Variants in CSMD2 observed in about 807,000 individuals in gnomAD.
CSMD2 encodes the protein CUB and sushi domain-containing protein 2.
Under a neutral mutation model 398.5 loss-of-function variants are expected in CSMD2, and 130 were observed. The ratio of observed to expected loss-of-function variants is 0.33; its 90% CI spans 0.28 to 0.38. The LOEUF (loss-of-function observed/expected upper bound fraction) is 0.38, where lower values mean the gene tolerates loss of function less well. Ranked by LOEUF, CSMD2 falls within the 10% of genes least tolerant of loss-of-function variation. The probability of loss-of-function intolerance (pLI) is 1.00; values close to 1 mark genes in which losing one functional copy is unlikely to be tolerated. For synonymous variants in CSMD2, 1,828 were observed against 1,908.5 expected (o/e 0.96, Z 1.10); for missense variants, 3,829 against 4,764.9 (o/e 0.80, Z 5.78).
At chr1:33,874,963 G>T (rs1166760755) in intron 5 of CSMD2, among the ~76,000 whole-genome samples, 2 of 152,208 alleles carry the variant, frequency 1.3e-5, no homozygotes, top group Non-Finnish European at 2.9e-5. Flanking sequence ...AGGCTCCTCT[G>T]GCCCGCACAG....
chr1:34,114,307 T>C (rs1021306076), intron 1 of CSMD2, among the ~76,000 whole-genome samples: 1 of 151,882 alleles, frequency 6.6e-6, no homozygotes, highest in African/African-American at 2.4e-5. Flanking sequence ...GTTGTTGTTG[T>C]TGTTGTTGTT....
chr1:33,681,840 C>T (rs1199507681), intron 25 of CSMD2, among the ~76,000 whole-genome samples: 13 of 152,084 alleles, frequency 8.5e-5, no homozygotes, highest in Non-Finnish European at 1.8e-4. Context: ...GTGGCAGGTG[C>T]CTTTAACCCC....
Position 33,785,481 on chromosome 1 carries a change from G to GATT in CSMD2, c.1663+3116_1663+3118dup, listed in dbSNP as rs1653414164. On this transcript the variant is annotated intron_variant, in intron 12 of 70. Coordinates refer to ENST00000373381, the MANE Select transcript of CSMD2 (RefSeq NM_001281956.2). ...CCACACTTGTGTGTGACCTCAGGCA[G>GATT]ATTACTTCACCCCTCTGAGTCTCAG... Among the ~76,000 whole-genome samples, 3 of 152,242 alleles carry GATT rather than the reference G, an allele frequency of 2.0e-5. No individual in the cohort carries two copies. In the South Asian group the frequency reaches 6.2e-4, roughly 31 times the overall value.
At chr1:33,606,626 G>A (rs1267917159) in intron 41 of CSMD2, among the ~76,000 whole-genome samples, 3 of 152,258 alleles carry the variant, frequency 2.0e-5, no homozygotes, top group Non-Finnish European at 2.9e-5. Context: ...GAAGCAGGGG[G>A]CCTTTTGCCC....
intron 5 of CSMD2, among the ~76,000 whole-genome samples, chr1:33,865,045 G>C (rs1447362314): frequency 6.6e-6 from 1 of 150,716 alleles, no homozygotes; most frequent in African/African-American, 2.4e-5. Flanking sequence ...TAAACAAAAG[G>C]TGTGACTTGG....
At chr1:33,752,936 G>A (rs1198029704) in intron 13 of CSMD2, among the ~76,000 whole-genome samples, 1 of 152,140 alleles carries the variant, frequency 6.6e-6, no homozygotes, top group African/African-American at 2.4e-5. Flanking sequence ...GACGACCTAG[G>A]GTATCTGATG....
At chr1:34,165,307 G>C, upstream of CSMD2, 1 of 1,201,264 alleles carries the variant, frequency 8.3e-7, no homozygotes, top group African/African-American at 1.6e-5. Context: ...GCTTCGCGGG[G>C]TTCGCGCCGG....
chr1:33,889,024 C>T (rs2125198299), intron 5 of CSMD2, among the ~76,000 whole-genome samples: 1 of 152,274 alleles, frequency 6.6e-6, no homozygotes, highest in African/African-American at 2.4e-5. Flanking sequence ...CCCACCTTAG[C>T]CTCCCAAAGT....
intron 3 of CSMD2, among the ~76,000 whole-genome samples, chr1:33,963,918 A>G (rs1645461278): frequency 6.6e-6 from 1 of 152,256 alleles, no homozygotes. Context: ...TCCTTGCAGT[A>G]AAGCCTGGAA....
chr1:33,757,749 C>A (rs1265794436), intron 13 of CSMD2, among the ~76,000 whole-genome samples: 1 of 152,168 alleles, frequency 6.6e-6, no homozygotes, highest in Non-Finnish European at 1.5e-5. Flanking sequence ...ATGACAACAC[C>A]CAGTTGCCTA....
intron 6 of CSMD2, among the ~76,000 whole-genome samples, chr1:33,843,668 C>A (rs1490235493): frequency 2.0e-5 from 3 of 152,184 alleles, no homozygotes; most frequent in African/African-American, 7.2e-5. Context: ...AGCCAGAGAT[C>A]CCAGGGCAGG....
chr1:33,912,279 G>A (rs1465096144), intron 5 of CSMD2, among the ~76,000 whole-genome samples: 1 of 152,144 alleles, frequency 6.6e-6, no homozygotes. Context: ...AAGGAAGAGA[G>A]ACTGGGAACC....
chr1:33,646,867 A>G, intron 28 of CSMD2, 32 bp from the exon 29 acceptor site: 1 of 1,531,336 alleles, frequency 6.5e-7, no homozygotes, highest in Non-Finnish European at 8.8e-7. Context: ...CCCCCACCCC[A>G]CTAAGGTCAA....
chr1:34,061,404 ACACAGGGCACCAAGG>A (rs1404128132), intron 2 of CSMD2, among the ~76,000 whole-genome samples: 1 of 152,056 alleles, frequency 6.6e-6, no homozygotes, highest in East Asian at 1.9e-4. Flanking sequence ...AGCGGCTGGG[ACACAGGGCACCAAGG>A]CTGCCTCACC....
chr1:33,626,464 C>T, intron 33 of CSMD2, 22 bp downstream of exon 33: 1 of 1,554,612 alleles, frequency 6.4e-7, no homozygotes, highest in African/African-American at 1.4e-5. Context: ...CTTCCTACCT[C>T]CGGCGTCCAT....
intron 3 of CSMD2, among the ~76,000 whole-genome samples, chr1:34,006,508 T>C (rs1358891778): frequency 1.3e-5 from 2 of 152,118 alleles, no homozygotes; most frequent in East Asian, 3.9e-4. Context: ...CAGATAAAGA[T>C]AGGTGAGTAG....
At chr1:34,149,073 G>A (rs575787586) in intron 1 of CSMD2, among the ~76,000 whole-genome samples, 2 of 152,138 alleles carry the variant, frequency 1.3e-5, no homozygotes, top group Non-Finnish European at 2.9e-5. Context: ...GAAACCCCAG[G>A]AATGGCTGAA....
chr1:33,841,666 A>C (rs1335745850), intron 6 of CSMD2, among the ~76,000 whole-genome samples: 2 of 152,056 alleles, frequency 1.3e-5, no homozygotes, highest in African/African-American at 4.8e-5. Context: ...AAGGAACTTT[A>C]AAGTCTTGTG....
At chr1:33,690,983 A>AG (rs1224619332) in intron 25 of CSMD2, among the ~76,000 whole-genome samples, 1 of 152,166 alleles carries the variant, frequency 6.6e-6, no homozygotes, top group Non-Finnish European at 1.5e-5. Flanking sequence ...CCCGCAAGAG[A>AG]GGGGGTGAGG....
Sources: allele counts gnomAD v4.1 joint callset (sites outside exome capture counted in the v4.1 genomes callset), GRCh38; gene constraint gnomAD v4.1.1; transcripts MANE v1.5; gene names NCBI Gene and HGNC (gene_info 2026-07-23, HGNC 2026-07-21).